FMN2: variants seen among roughly 807,000 people sequenced by gnomAD.
FMN2 encodes the protein formin 2, also known as formin-2.
In FMN2, 51 loss-of-function variants were observed where a neutral mutation model predicts 142.3. That is an observed-to-expected ratio of 0.36 (90% CI 0.29 to 0.45). The LOEUF is 0.45. Ranked by LOEUF, FMN2 falls within the 20% of genes least tolerant of loss-of-function variation. The pLI, the probability that FMN2 is intolerant of heterozygous loss-of-function variation, is 1.00. For synonymous variants in FMN2, 882 were observed against 869.8 expected, an observed-to-expected ratio of 1.01 and a Z score of -0.25; for missense variants, 1,936 against 2,122.8, an observed-to-expected ratio of 0.91 and a Z score of 1.73.
chr1:240,093,404 C>G lies in FMN2; in HGVS notation c.1295C>G (p.Ser432Cys). ...TTRQLSSPNH[S>C]PSQSPNQSPR... ...CGGCAGCTCAGCTCGCCCAATCACT[C>G]CCCGTCTCAGTCCCCTAATCAGAGC... Residue 432 changes from serine (S) to cysteine (C), a missense_variant, in exon 1 of 18, where the codon TCC becomes TGC. This residue lies in a region of FMN2 where 751 missense variants were observed against 791.8 expected (regional missense o/e 0.95). Transcript: ENST00000319653. The G allele has an allele frequency of 6.2e-7, 1 of 1,613,696 alleles. No individual in the cohort carries two copies. Among genetic ancestry groups the G allele is most frequent in the Non-Finnish European group, 8.5e-7 (1 of 1,179,792 alleles).
chr1:240,207,307 C>A lies in FMN2; in HGVS notation c.2495C>A (p.Ser832Tyr). 1.2e-6 allele frequency: 2 copies of A among 1,613,886 alleles called. No individual in the cohort carries two copies. Among genetic ancestry groups the A allele is most frequent in the Non-Finnish European group, 1.7e-6 (2 of 1,179,876 alleles). ...QGQPGSQPPHSISTEFQTSHE... is the reference protein window; with the variant it reads ...QGQPGSQPPHYISTEFQTSHE... ...CAGCCTGGGTCACAGCCGCCCCATT[C>A]TATTTCTACCGAGTTTCAAACCAGC... Residue 832 changes from serine (S) to tyrosine (Y), a missense_variant, in exon 5 of 18, where the codon TCT (serine) becomes TAT (tyrosine). Coordinates refer to ENST00000319653, the MANE Select transcript of FMN2 (RefSeq NM_020066.5).
chr1:240,214,441 C>G (rs1423696425), intron 6 of FMN2, among the ~76,000 whole-genome samples: 1 of 151,444 alleles, frequency 6.6e-6, no homozygotes, highest in Non-Finnish European at 1.5e-5. Flanking sequence ...GTCTCAGCTA[C>G]TCGGGAGGCT....
intron 16 of FMN2, among the ~76,000 whole-genome samples, chr1:240,457,139 G>T (rs1423525114): frequency 6.6e-6 from 1 of 152,124 alleles, no homozygotes; most frequent in Non-Finnish European, 1.5e-5. Flanking sequence ...AAAGTTGGCA[G>T]GCCAGACCCT....
chr1:240,207,069 G>A lies in FMN2; in HGVS notation c.2257G>A (p.Gly753Arg), dbSNP rs367554600. ...SIQTSPTEEG[G>R]VLTLPPVDGL... ...ACAGACTTCCCCCACGGAAGAGGGC[G>A]GGGTGCTGACACTGCCTCCTGTGGA... is the stretch of plus-strand genomic sequence containing the variant. Residue 753 changes from glycine (G) to arginine (R), a missense_variant, in exon 5 of 18, where the codon GGG becomes AGG. Physicochemically the swap from Gly to Arg is moderately radical, Grantham distance 125. Transcript: ENST00000319653. The A allele has an allele frequency of 1.2e-5, 19 of 1,613,984 alleles. No individual in the cohort carries two copies. Among genetic ancestry groups the A allele is most frequent in the Middle Eastern group, 1.6e-4 (1 of 6,082 alleles).
Position 240,207,672 on chromosome 1 carries a change from C to T in FMN2, c.2860C>T (p.Pro954Ser), listed in dbSNP as rs372401580. ...GCCCCCTCTACCCGGAGCGGCAATA[C>T]CCCCTCCGCCCCCTCTTCCCGGGGC... is the stretch of plus-strand genomic sequence containing the variant. ...PPPPLPGAAI[P>S]PPPPLPGAGI... The change falls in exon 5 of 18, where the codon CCC becomes TCC. Residue 954 changes from proline (P) to serine (S), a missense_variant. Physicochemically the swap from Pro to Ser is moderately conservative, Grantham distance 74. This residue lies in a region of FMN2 where 63 missense variants were observed against 86.3 expected (regional missense o/e 0.73). Transcript: ENST00000319653. 1.1e-5 allele frequency: 15 copies of T among 1,422,338 alleles called. No individual in the cohort carries two copies. The highest frequency in any genetic ancestry group is 1.5e-5 in the Non-Finnish European group (15 of 1,030,592). 88.1% of individuals were successfully genotyped at this position (1,422,338 alleles called of 1,614,324 possible).
chr1:240,236,869 T>C (rs1032350067), intron 6 of FMN2, among the ~76,000 whole-genome samples: 52 of 152,052 alleles, frequency 3.4e-4, no homozygotes, highest in Non-Finnish European at 1.3e-4. Context: ...ATCCAAACTA[T>C]ATCAGCCATA....
At chr1:240,255,094 CACTTA>C (rs1400582168) in intron 6 of FMN2, among the ~76,000 whole-genome samples, 2 of 152,122 alleles carry the variant, frequency 1.3e-5, no homozygotes, top group African/African-American at 4.8e-5. Context: ...TGGGGTCGCT[CACTTA>C]ACTTTACCAC....
chr1:240,464,340 A>G (rs1358060296), intron 16 of FMN2, among the ~76,000 whole-genome samples: 1 of 151,254 alleles, frequency 6.6e-6, no homozygotes, highest in Non-Finnish European at 1.5e-5. Flanking sequence ...AGAATCTTTG[A>G]CAGTCATCAA....
intron 2 of FMN2, among the ~76,000 whole-genome samples, chr1:240,158,937 T>C (rs1314823336): frequency 6.6e-6 from 1 of 152,170 alleles, no homozygotes; most frequent in Non-Finnish European, 1.5e-5. Flanking sequence ...CTACATAATA[T>C]TTATATATAG....
chr1:240,222,879 A>G (rs1483076247), intron 6 of FMN2, among the ~76,000 whole-genome samples: 3 of 152,210 alleles, frequency 2.0e-5, no homozygotes, highest in Non-Finnish European at 2.9e-5. Context: ...TTATCAGCTT[A>G]AGGAGATTTG....
chr1:240,112,484 G>A (rs2103197083), intron 1 of FMN2, among the ~76,000 whole-genome samples: 1 of 152,250 alleles, frequency 6.6e-6, no homozygotes, highest in African/African-American at 2.4e-5. Context: ...TTGAAGGACA[G>A]GAAGATGGCC....
At chr1:240,400,799 G>GCCA (rs1673956195) in intron 15 of FMN2, 1 of 151,530 alleles carries the variant, frequency 6.6e-6, no homozygotes, top group Admixed American at 6.6e-5. Flanking sequence ...ACTTCCCCCC[G>GCCA]ACCACCACAC....
chr1:240,464,054 T>C (rs1367687641), intron 16 of FMN2, among the ~76,000 whole-genome samples: 2 of 152,036 alleles, frequency 1.3e-5, no homozygotes, highest in Admixed American at 6.6e-5. Flanking sequence ...ATTTCAGAAT[T>C]GTTAGCATGG....
At chr1:240,213,357 T>C (rs536252252) in intron 6 of FMN2, among the ~76,000 whole-genome samples, 1 of 152,318 alleles carries the variant, frequency 6.6e-6, no homozygotes, top group East Asian at 1.9e-4. Flanking sequence ...CTCCTTGGCC[T>C]GGGTCTTGGT....
intron 13 of FMN2, among the ~76,000 whole-genome samples, chr1:240,350,803 G>T (rs12406031): frequency 0.14 from 21,205 of 152,196 alleles, 1,620 homozygotes; most frequent in African/African-American, 0.19. Context: ...CAGACTCTGG[G>T]AATGGATAAG....
At chr1:240,122,071 A>ATTTATTTATTT (rs1558305811) in intron 1 of FMN2, among the ~76,000 whole-genome samples, 3 of 143,128 alleles carry the variant, frequency 2.1e-5, no homozygotes, top group African/African-American at 7.9e-5. Context: ...AAAATTAATT[A>ATTTATTTATTT]ATTAATTTAT....
intron 3 of FMN2, among the ~76,000 whole-genome samples, chr1:240,184,539 T>TA (rs1282883681): frequency 9.4e-5 from 14 of 149,300 alleles, no homozygotes; most frequent in East Asian, 5.8e-4. Flanking sequence ...TTTTTTTTTT[T>TA]AAGAACATTC....
intron 2 of FMN2, among the ~76,000 whole-genome samples, chr1:240,172,892 A>G (rs1664764120): frequency 6.6e-6 from 1 of 151,864 alleles, no homozygotes; most frequent in Non-Finnish European, 1.5e-5. Context: ...TACTTGATAA[A>G]TGTGTTAATT....
intron 6 of FMN2, among the ~76,000 whole-genome samples, chr1:240,243,382 T>G (rs900501855): frequency 4.1e-4 from 63 of 152,258 alleles, no homozygotes; most frequent in African/African-American, 1.4e-3. Flanking sequence ...CCAACAACAG[T>G]ATGTCTAAAG....
Sources: gnomAD v4.1 joint callset for allele counts (sites outside exome capture counted in the v4.1 genomes callset) on GRCh38, gnomAD v4.1.1 for gene constraint, gnomAD v4.1.1 regional missense constraint, MANE v1.5 for transcripts, NCBI Gene and HGNC (gene_info 2026-07-23, HGNC 2026-07-21) for gene names.